Variants in COL25A1 observed in about 807,000 individuals in gnomAD.
The protein encoded by COL25A1 is collagen type XXV alpha 1 chain.
A neutral mutation model predicts 128.4 loss-of-function variants in COL25A1; 103 were observed. The ratio of observed to expected loss-of-function variants is 0.80; its 90% CI spans 0.68 to 0.94. The LOEUF (loss-of-function observed/expected upper bound fraction) is 0.94, where lower values mean the gene tolerates loss of function less well. COL25A1 is among the 40% of genes least tolerant of loss of function. COL25A1 has a pLI of 0.00. For synonymous variants in COL25A1, 279 were observed against 277.2 expected (o/e 1.01, Z -0.06); for missense variants, 745 against 840.0 (o/e 0.89, Z 1.40).
intron 19 of COL25A1, 106 bp downstream of exon 19, chr4:108,884,072 G>T: frequency 3.6e-6 from 4 of 1,113,874 alleles, no homozygotes; most frequent in South Asian, 2.8e-5. Context: ...AGTACTTAGA[G>T]AACAGCATTC....
Position 108,841,792 on chromosome 4 carries a change from C to T in COL25A1, c.1630-71G>A. ...TTCCCAGCAAGAGTGAATATTATAT[C>T]ACATAACAAAAGAGATGTGAGACAA... On this transcript the variant is annotated intron_variant, in intron 30 of 37. Transcript: ENST00000399132. 1.2e-5 allele frequency: 14 copies of T among 1,198,044 alleles called. No homozygotes were observed. In the South Asian group the frequency reaches 1.6e-4, roughly 14 times the overall value. The allele number at this position is 1,198,044 out of a possible 1,614,324, so 74.2% of individuals were successfully genotyped here.
intron 3 of COL25A1, among the ~76,000 whole-genome samples, chr4:109,197,394 T>A (rs1318977): frequency 7.9e-6 from 1 of 126,060 alleles, no homozygotes; most frequent in Non-Finnish European, 1.6e-5. Context: ...ATAATCTCTC[T>A]ATTATATATA....
intron 8 of COL25A1, among the ~76,000 whole-genome samples, chr4:108,943,557 G>A (rs1317284923): frequency 6.6e-6 from 1 of 152,116 alleles, no homozygotes; most frequent in African/African-American, 2.4e-5. Context: ...GGGGATTTAT[G>A]GTCACACTCT....
chr4:108,881,252 G>A (rs1040045102), intron 19 of COL25A1, among the ~76,000 whole-genome samples: 1 of 152,166 alleles, frequency 6.6e-6, no homozygotes, highest in Non-Finnish European at 1.5e-5. Context: ...AGATGAGTCT[G>A]CTGTCTGTAT....
At chr4:109,004,580 G>T (rs1755788004) in intron 6 of COL25A1, among the ~76,000 whole-genome samples, 1 of 152,056 alleles carries the variant, frequency 6.6e-6, no homozygotes. Flanking sequence ...CATGGGGGTG[G>T]ATTTCTCATG....
chr4:109,178,605 G>A (rs968991939), intron 3 of COL25A1, among the ~76,000 whole-genome samples: 26 of 152,010 alleles, frequency 1.7e-4, no homozygotes, highest in African/African-American at 6.0e-4. Context: ...CGGGCAGATC[G>A]TGAAGTCAGG....
intron 3 of COL25A1, among the ~76,000 whole-genome samples, chr4:109,075,452 A>C (rs1763298466): frequency 6.6e-6 from 1 of 152,072 alleles, no homozygotes; most frequent in South Asian, 2.1e-4. Flanking sequence ...GTCACGTTTG[A>C]AGGGGGAAAT....
chr4:109,101,983 T>C (rs1266712691), intron 3 of COL25A1, among the ~76,000 whole-genome samples: 2 of 152,164 alleles, frequency 1.3e-5, no homozygotes, highest in Non-Finnish European at 2.9e-5. Context: ...TAACATGAAA[T>C]ACATCACATG....
At chr4:109,002,845 G>C (rs1209632195) in intron 6 of COL25A1, among the ~76,000 whole-genome samples, 1 of 151,918 alleles carries the variant, frequency 6.6e-6, no homozygotes, top group Non-Finnish European at 1.5e-5. Flanking sequence ...CATCTGCCAT[G>C]GTGGTTTGCT....
intron 19 of COL25A1, among the ~76,000 whole-genome samples, chr4:108,871,662 T>G (rs1022476283): frequency 6.6e-6 from 1 of 152,182 alleles, no homozygotes; most frequent in Non-Finnish European, 1.5e-5. Flanking sequence ...TTATACCTGA[T>G]TATGCCACTT....
At chr4:109,149,104 G>A (rs1037623574) in intron 3 of COL25A1, among the ~76,000 whole-genome samples, 12 of 151,984 alleles carry the variant, frequency 7.9e-5, no homozygotes, top group Non-Finnish European at 1.3e-4. Context: ...ACATACACCC[G>A]TAAATTATGA....
intron 3 of COL25A1, among the ~76,000 whole-genome samples, chr4:109,256,217 T>C (rs1362353268): frequency 6.6e-6 from 1 of 151,930 alleles, no homozygotes; most frequent in Non-Finnish European, 1.5e-5. Context: ...CTTTGAAAAA[T>C]TAAACTTGAT....
At chr4:109,297,925 T>C (rs551948851) in intron 3 of COL25A1, among the ~76,000 whole-genome samples, 71 of 146,306 alleles carry the variant, frequency 4.9e-4, no homozygotes, top group African/African-American at 1.7e-3. Flanking sequence ...GGGAAGTTCA[T>C]TAGTTTGACC....
intron 3 of COL25A1, among the ~76,000 whole-genome samples, chr4:109,092,972 GAA>G (rs1009578932): frequency 6.8e-6 from 1 of 146,916 alleles, no homozygotes; most frequent in Non-Finnish European, 1.5e-5. Context: ...ACTATTGCCA[GAA>G]AAAAAAAATT....
chr4:109,081,335 C>A (rs917495028), intron 3 of COL25A1, among the ~76,000 whole-genome samples: 2 of 152,092 alleles, frequency 1.3e-5, no homozygotes, highest in African/African-American at 2.4e-5. Flanking sequence ...TAGAAAATAT[C>A]TTTAGATTAG....
chr4:109,018,125 A>T (rs1435200572), intron 5 of COL25A1, among the ~76,000 whole-genome samples: 1 of 152,154 alleles, frequency 6.6e-6, no homozygotes, highest in Non-Finnish European at 1.5e-5. Flanking sequence ...AACCACCTCA[A>T]AAAACTCTGA....
chr4:109,157,096 C>A (rs1224120248), intron 3 of COL25A1, among the ~76,000 whole-genome samples: 1 of 152,168 alleles, frequency 6.6e-6, no homozygotes, highest in Non-Finnish European at 1.5e-5. Flanking sequence ...CAGTTGCCTT[C>A]CATGTAGCTC....
chr4:109,034,357 A>T (rs562346248), intron 5 of COL25A1, among the ~76,000 whole-genome samples: 50 of 152,304 alleles, frequency 3.3e-4, no homozygotes, highest in African/African-American at 1.2e-3. Context: ...TTTTTAACAG[A>T]TATGGCATGA....
intron 3 of COL25A1, among the ~76,000 whole-genome samples, chr4:109,145,169 G>A (rs1057236649): frequency 2.0e-5 from 3 of 149,450 alleles, no homozygotes; most frequent in East Asian, 2.0e-4. Context: ...CTGGGTTCAC[G>A]CCATTCTCCT....
Sources: gnomAD v4.1 joint callset for allele counts (sites outside exome capture counted in the v4.1 genomes callset) on GRCh38, gnomAD v4.1.1 for gene constraint, MANE v1.5 for transcripts, NCBI Gene and HGNC (gene_info 2026-07-23, HGNC 2026-07-21) for gene names.